The following RBFOX1 variants were observed in gnomAD, a reference collection of about 807,000 sequenced individuals.
RBFOX1 encodes RNA binding fox-1 homolog 1.
Under a neutral mutation model 57.7 loss-of-function variants are expected in RBFOX1, and 8 were observed. That is an observed-to-expected ratio of 0.14 (90% CI 0.08 to 0.25). The LOEUF (loss-of-function observed/expected upper bound fraction) is 0.25. RBFOX1 is among the 10% of genes least tolerant of loss of function. RBFOX1 has a pLI of 1.00. For missense variants in RBFOX1, 611 were observed against 548.5 expected, an observed-to-expected ratio of 1.11 and a Z score of -1.14; for synonymous variants, 326 against 222.4, an observed-to-expected ratio of 1.47 and a Z score of -4.15.
chr16:6,155,918 G>A (rs945676347), intron 1 of RBFOX1, among the ~76,000 whole-genome samples: 27 of 152,136 alleles, frequency 1.8e-4, no homozygotes, highest in African/African-American at 6.5e-4. Context: ...CATTTGAAAT[G>A]CCTTCTTTGC....
intron 4 of RBFOX1, among the ~76,000 whole-genome samples, chr16:7,499,572 T>C (rs1422403265): frequency 5.9e-5 from 9 of 152,182 alleles, no homozygotes; most frequent in Non-Finnish European, 4.4e-5. Context: ...TTTGGCTACA[T>C]TGACTGGATT....
chr16:6,577,116 T>G (rs556382405), intron 2 of RBFOX1: 3 of 152,282 alleles, frequency 2.0e-5, no homozygotes, highest in African/African-American at 7.2e-5. Flanking sequence ...CACCTGACAT[T>G]GGATGCTACA....
chr16:5,830,841 T>G (rs551406865), intron 3 of RBFOX1, among the ~76,000 whole-genome samples: 4 of 152,308 alleles, frequency 2.6e-5, no homozygotes, highest in Middle Eastern at 3.4e-3. Context: ...TCAGGCTGTT[T>G]CCTGGCTGTT....
chr16:6,953,946 A>C (rs891994293), intron 3 of RBFOX1, among the ~76,000 whole-genome samples: 1 of 152,062 alleles, frequency 6.6e-6, no homozygotes, highest in African/African-American at 2.4e-5. Context: ...CAGAGGAGTA[A>C]CCTCTTATTT....
intron 2 of RBFOX1, among the ~76,000 whole-genome samples, chr16:6,591,768 T>C (rs113215125): frequency 1.2e-4 from 18 of 152,332 alleles, no homozygotes; most frequent in African/African-American, 3.8e-4. Flanking sequence ...TCTGCATTTG[T>C]AAATGAAGAA....
intron 3 of RBFOX1, among the ~76,000 whole-genome samples, chr16:5,805,850 A>G (rs2055207660): frequency 6.6e-6 from 1 of 152,172 alleles, no homozygotes; most frequent in South Asian, 2.1e-4. Flanking sequence ...CTTTGGCCAA[A>G]CTCAGTAGGG....
chr16:5,853,329 C>T (rs760117739), intron 3 of RBFOX1, among the ~76,000 whole-genome samples: 25 of 152,160 alleles, frequency 1.6e-4, no homozygotes, highest in Non-Finnish European at 2.8e-4. Context: ...AGAGATTGCA[C>T]AGTTAAATCT....
intron 2 of RBFOX1, among the ~76,000 whole-genome samples, chr16:6,617,323 A>C (rs914651712): frequency 6.6e-6 from 1 of 152,064 alleles, no homozygotes; most frequent in Non-Finnish European, 1.5e-5. Flanking sequence ...AAGCCTCAAA[A>C]ACAGATAGGC....
intron 1 of RBFOX1, among the ~76,000 whole-genome samples, chr16:6,269,084 A>G (rs1367220442): frequency 1.3e-5 from 2 of 152,210 alleles, no homozygotes; most frequent in Admixed American, 6.5e-5. Flanking sequence ...CTAACATAAT[A>G]TAAATGCTAC....
intron 2 of RBFOX1, among the ~76,000 whole-genome samples, chr16:6,586,202 G>C (rs1462198301): frequency 6.6e-6 from 1 of 152,194 alleles, no homozygotes; most frequent in Non-Finnish European, 1.5e-5. Flanking sequence ...TCAGACTACA[G>C]AGTATCAAGA....
Position 5,655,169 on chromosome 16 carries a change from C to T in RBFOX1, c.318+56208C>T, listed in dbSNP as rs530034386. On this transcript the variant is annotated intron_variant, in intron 3 of 19. Transcript: ENST00000641259. ...TTTGTTTGCTATCTGGAATTTAGCC[C>T]CGACGAGGGTGGCATTTGCACACCA... 3.9e-5 allele frequency among the ~76,000 whole-genome samples: 6 copies of T among 152,264 alleles called. No individual in the cohort carries two copies. In the South Asian group the frequency reaches 8.3e-4, roughly 21 times the overall value.
chr16:6,088,828 G>A (rs948481106), intron 1 of RBFOX1, among the ~76,000 whole-genome samples: 11 of 152,264 alleles, frequency 7.2e-5, no homozygotes, highest in Admixed American at 6.5e-5. Flanking sequence ...CAGGCGCGGT[G>A]GCTCATGCCT....
At chr16:7,674,089 T>C (rs142126047) in intron 13 of RBFOX1, among the ~76,000 whole-genome samples, 62 of 152,352 alleles carry the variant, frequency 4.1e-4, no homozygotes, top group Non-Finnish European at 2.6e-4. Context: ...AAGCAATTTA[T>C]ATTTTACAGT....
At chr16:7,223,205 C>A (rs922630160) in intron 4 of RBFOX1, among the ~76,000 whole-genome samples, 1 of 152,272 alleles carries the variant, frequency 6.6e-6, no homozygotes, top group Middle Eastern at 3.4e-3. Flanking sequence ...GCAGTGTCAG[C>A]CTAAGAGCTC....
intron 3 of RBFOX1, among the ~76,000 whole-genome samples, chr16:6,807,520 T>G (rs532030276): frequency 1.3e-5 from 2 of 152,158 alleles, no homozygotes; most frequent in East Asian, 3.9e-4. Context: ...TCCTATGATA[T>G]TAAGATGCAT....
chr16:5,685,711 G>A (rs1434977418), intron 3 of RBFOX1, among the ~76,000 whole-genome samples: 3 of 152,202 alleles, frequency 2.0e-5, no homozygotes, highest in Non-Finnish European at 4.4e-5. Context: ...ATCTCAGGAG[G>A]TGAGGAGAGG....
chr16:5,852,844 A>AT (rs1357664555), intron 3 of RBFOX1, among the ~76,000 whole-genome samples: 1 of 151,988 alleles, frequency 6.6e-6, no homozygotes, highest in Non-Finnish European at 1.5e-5. Context: ...GGGAAAAAAA[A>AT]GGATTTGGGA....
intron 3 of RBFOX1, among the ~76,000 whole-genome samples, chr16:5,720,963 C>T (rs62014073): frequency 0.17 from 25,927 of 151,982 alleles, 2,908 homozygotes; most frequent in East Asian, 0.31. Context: ...CAATTTCAGC[C>T]GAAATGGCAA....
At chr16:6,810,987 C>T (rs1462774118) in intron 3 of RBFOX1, among the ~76,000 whole-genome samples, 1 of 152,094 alleles carries the variant, frequency 6.6e-6, no homozygotes, top group Non-Finnish European at 1.5e-5. Context: ...TATTCCAGAA[C>T]GGATTTACAC....
Sources: gnomAD v4.1 joint callset for allele counts (sites outside exome capture counted in the v4.1 genomes callset) on GRCh38, gnomAD v4.1.1 for gene constraint, MANE v1.5 for transcripts, NCBI Gene and HGNC (gene_info 2026-07-23, HGNC 2026-07-21) for gene names.